The following ATP1B3 variants were observed in gnomAD, a reference collection of about 807,000 sequenced individuals.
ATP1B3 encodes the protein ATPase Na+/K+ transporting subunit beta 3, also known as sodium/potassium-transporting ATPase subunit beta-3.
A neutral mutation model predicts 30.2 loss-of-function variants in ATP1B3; 10 were observed. The ratio of observed to expected loss-of-function variants is 0.33; its 90% CI spans 0.20 to 0.56. The LOEUF is 0.56. Ranked by LOEUF, ATP1B3 falls within the 20% of genes least tolerant of loss-of-function variation. The pLI is 0.90. For synonymous variants in ATP1B3, 113 were observed against 117.0 expected (o/e 0.97, Z 0.22); for missense variants, 238 against 336.7 (o/e 0.71, Z 2.29).
chr3:141,894,214 C>T (rs894614425), intron 1 of ATP1B3, among the ~76,000 whole-genome samples: 1 of 152,206 alleles, frequency 6.6e-6, no homozygotes, highest in Admixed American at 6.5e-5. Flanking sequence ...AGGCCTAGAA[C>T]ATTACTGTAC....
chr3:141,900,839 G>A (rs995933312), intron 1 of ATP1B3, among the ~76,000 whole-genome samples: 1 of 152,142 alleles, frequency 6.6e-6, no homozygotes, highest in Non-Finnish European at 1.5e-5. Context: ...TCGGAGTGCA[G>A]TGGCACAGTC....
chr3:141,882,791 G>T (rs1330326596), intron 1 of ATP1B3, among the ~76,000 whole-genome samples: 1 of 152,040 alleles, frequency 6.6e-6, no homozygotes, highest in African/African-American at 2.4e-5. Flanking sequence ...TTTCCATGTT[G>T]GTCAGGCTGA....
chr3:141,900,067 A>G (rs990293197), intron 1 of ATP1B3, among the ~76,000 whole-genome samples: 1 of 151,914 alleles, frequency 6.6e-6, no homozygotes, highest in African/African-American at 2.4e-5. Context: ...TGTTTTTTCC[A>G]GGTTCCTGGC....
intron 1 of ATP1B3, chr3:141,902,113 G>T: frequency 7.8e-7 from 1 of 1,285,120 alleles, no homozygotes; most frequent in Non-Finnish European, 1.0e-6. Flanking sequence ...CTTTGAGATT[G>T]GTCTTTTCTT....
rs968448129 is a variant in ATP1B3, at chr3:141,916,530, T to C, written c.582+510T>C. 53 of 1,286,554 alleles carry C rather than the reference T, an allele frequency of 4.1e-5. No homozygotes were observed. The African/African-American group carries it at 5.8e-4, about 14-fold the overall frequency. The allele number at this position is 1,286,554 out of a possible 1,614,324, so 79.7% of individuals were successfully genotyped here. A position where few individuals can be genotyped will look rare whatever the true frequency, so the allele number is the denominator to read the frequency against. ...CATCTCATAACTTTCTTTTGTTTTC[T>C]CTCCATGCTGCAAATGCCACTAAGA... On this transcript the variant is annotated intron_variant, in intron 5 of 6. Transcript: ENST00000286371.
chr3:141,914,800 G>T (rs1934426970), intron 4 of ATP1B3, among the ~76,000 whole-genome samples: 1 of 152,176 alleles, frequency 6.6e-6, no homozygotes, highest in South Asian at 2.1e-4. Flanking sequence ...AACCAGCTAG[G>T]CCCTGAGGTG....
Position 141,876,806 on chromosome 3 carries a change from C to T in ATP1B3, c.5C>T (p.Thr2Met). 2 of 1,589,096 alleles carry T rather than the reference C, an allele frequency of 1.3e-6. No homozygotes were observed. Among genetic ancestry groups the T allele is most frequent in the Non-Finnish European group, 1.7e-6 (2 of 1,167,102 alleles). Residue 2 changes from threonine (T) to methionine (M), a missense_variant, in exon 1 of 7, where the codon ACG becomes ATG. By Grantham distance (81) the Thr-to-Met change is moderately conservative. Transcript: ENST00000286371. Reference sequence around the variant, plus strand: ...CTCGCCGTCCGCGCGCACACCATGACGAAGAACGAGAAGAAGTCCCTCAAC... The same window carrying T: ...CTCGCCGTCCGCGCGCACACCATGATGAAGAACGAGAAGAAGTCCCTCAAC... M[T>M]KNEKKSLNQS...
intron 5 of ATP1B3, chr3:141,916,485 C>T: frequency 2.7e-6 from 3 of 1,108,506 alleles, no homozygotes; most frequent in Non-Finnish European, 3.6e-6. Flanking sequence ...ACTTTTTTTT[C>T]CAGAATACTG....
At chr3:141,895,279 C>CCCGTGTTCAAGCAAT (rs1934042198) in intron 1 of ATP1B3, among the ~76,000 whole-genome samples, 1 of 150,972 alleles carries the variant, frequency 6.6e-6, no homozygotes. Flanking sequence ...ACCTCTGCCT[C>CCCGTGTTCAAGCAAT]CCGTGTTCAA....
intron 1 of ATP1B3, among the ~76,000 whole-genome samples, chr3:141,895,215 C>G (rs934846313): frequency 3.6e-5 from 5 of 138,272 alleles, no homozygotes; most frequent in African/African-American, 1.4e-4. Flanking sequence ...TTAAGATGGA[C>G]TCTTACCCTG....
At chr3:141,878,810 G>A (rs1933658121) in intron 1 of ATP1B3, among the ~76,000 whole-genome samples, 1 of 152,168 alleles carries the variant, frequency 6.6e-6, no homozygotes, top group South Asian at 2.1e-4. Context: ...AGTGAAGAAT[G>A]GCATATATAG....
At chr3:141,896,479 T>G (rs933238874) in intron 1 of ATP1B3, among the ~76,000 whole-genome samples, 6 of 152,156 alleles carry the variant, frequency 3.9e-5, no homozygotes, top group African/African-American at 1.4e-4. Flanking sequence ...TATGATTGAT[T>G]GTGCCACTGC....
intron 4 of ATP1B3, 69 bp from the exon 5 acceptor site, chr3:141,915,901 C>A: frequency 1.6e-6 from 2 of 1,266,310 alleles, no homozygotes; most frequent in South Asian, 1.4e-5. Flanking sequence ...TTGTTCCCAG[C>A]AACAGAGGGA....
rs374953122 is a variant in ATP1B3, at chr3:141,913,747, A to T, written c.442A>T (p.Ile148Phe). The change falls in exon 4 of 7, where the codon ATT (isoleucine) becomes TTT (phenylalanine). Residue 148 changes from isoleucine to phenylalanine, a missense_variant. By Grantham distance (21) the Ile-to-Phe change is conservative. Around this residue, in one of 3 missense-constraint regions of ATP1B3, gnomAD observed 58 missense variants for 125.6 expected, o/e 0.46. Coordinates refer to ENST00000286371, the MANE Select transcript of ATP1B3 (RefSeq NM_001679.4). ...GPVYVACQFPISLLQACSGMN... is the reference protein window; with the variant it reads ...GPVYVACQFPFSLLQACSGMN... ...AGTTTATGTTGCATGTCAGTTTCCT[A>T]TTTCATTACTTCAAGCATGCAGTGG... is the stretch of plus-strand genomic sequence containing the variant. The T allele has an allele frequency of 6.2e-7, 1 of 1,613,968 alleles. No individual in the cohort carries two copies. Among genetic ancestry groups the T allele is most frequent in the Non-Finnish European group, 8.5e-7 (1 of 1,179,950 alleles).
At position 141,907,148 on chromosome 3, in the gene ATP1B3, C is replaced by T; in HGVS notation, c.239-19C>T. On this transcript the variant is annotated intron_variant, in intron 2 of 6. Coordinates refer to ENST00000286371, the MANE Select transcript of ATP1B3 (RefSeq NM_001679.4). ...AAGAGAAGGAAATTTGATAATCTCTCCCTTTTATGTCTTTATAGGACTCAT... is the reference window on the plus strand; with the variant it reads ...AAGAGAAGGAAATTTGATAATCTCTTCCTTTTATGTCTTTATAGGACTCAT... The T allele has an allele frequency of 1.9e-6, 3 of 1,542,296 alleles. No homozygotes were observed. Among genetic ancestry groups the T allele is most frequent in the Non-Finnish European group, 2.7e-6 (3 of 1,129,280 alleles).
intron 1 of ATP1B3, among the ~76,000 whole-genome samples, chr3:141,899,820 G>T (rs1934129193): frequency 6.6e-6 from 1 of 152,108 alleles, no homozygotes; most frequent in Non-Finnish European, 1.5e-5. Flanking sequence ...GGTGAGCTGA[G>T]ATCACACCAT....
At chr3:141,919,854 G>C (rs781091482) in intron 5 of ATP1B3, among the ~76,000 whole-genome samples, 1 of 151,978 alleles carries the variant, frequency 6.6e-6, no homozygotes, top group Non-Finnish European at 1.5e-5. Flanking sequence ...CAAGAGAATC[G>C]CTTGTACCCA....
chr3:141,925,417 G>A lies in ATP1B3; in HGVS notation c.670-114G>A, dbSNP rs534093509. 11 of 1,134,846 alleles carry A rather than the reference G, an allele frequency of 9.7e-6. No individual in the cohort carries two copies. In the East Asian group the frequency reaches 1.0e-4, roughly 10 times the overall value. 70.3% of individuals were successfully genotyped at this position (1,134,846 alleles called of 1,614,324 possible). A position where few individuals can be genotyped will look rare whatever the true frequency, so the allele number is the denominator to read the frequency against. ...TGAGCCATAATTGCACCACTGCACT[G>A]CAGCCTGGGCAACAGTCTCAAAAAG... On this transcript the variant is annotated intron_variant, in intron 6 of 6. Transcript: ENST00000286371.
chr3:141,925,547 C>A lies in ATP1B3; in HGVS notation c.686C>A (p.Pro229Gln). 6.2e-7 allele frequency: 1 copy of A among 1,608,076 alleles called. No homozygotes were observed. The highest frequency in any genetic ancestry group is 8.5e-7 in the Non-Finnish European group (1 of 1,178,082). ...TATTGCCAGGTTGGGTATCTACAGCCATTGGTTGCTGTTCAGGTCAGCTTT... is the reference window on the plus strand; with the variant it reads ...TATTGCCAGGTTGGGTATCTACAGCAATTGGTTGCTGTTCAGGTCAGCTTT... The part of the protein sequence containing the change: ...GKKLHVGYLQ[P>Q]LVAVQVSFAP... The change falls in exon 7 of 7, where the codon CCA becomes CAA. Residue 229 changes from proline (P) to glutamine (Q), a missense_variant. By Grantham distance (76) the Pro-to-Gln change is moderately conservative (BLOSUM62 -1). This residue lies in a region of ATP1B3 where 50 missense variants were observed against 62.3 expected (regional missense o/e 0.80). Transcript: ENST00000286371.
Sources: gnomAD v4.1 joint callset for allele counts (sites outside exome capture counted in the v4.1 genomes callset) on GRCh38, gnomAD v4.1.1 for gene constraint, gnomAD v4.1.1 regional missense constraint, MANE v1.5 for transcripts, NCBI Gene and HGNC (gene_info 2026-07-23, HGNC 2026-07-21) for gene names.